The following FAAH variants were observed in gnomAD, a reference collection of about 807,000 sequenced individuals.
FAAH encodes the protein fatty-acid amide hydrolase 1.
Under a neutral mutation model 69.7 loss-of-function variants are expected in FAAH, and 63 were observed. The ratio of observed to expected loss-of-function variants is 0.90; its 90% CI spans 0.74 to 1.12. FAAH has a LOEUF of 1.12. Ranked by LOEUF, FAAH falls within the 50% of genes most tolerant of loss-of-function variation. The pLI, the probability that FAAH is intolerant of heterozygous loss-of-function variation, is 0.00. For missense variants in FAAH, 680 were observed against 755.0 expected (o/e 0.90, Z 1.16); for synonymous variants, 305 against 324.2 (o/e 0.94, Z 0.64).
chr1:46,400,217 G>T (rs528273061), intron 1 of FAAH, among the ~76,000 whole-genome samples: 2 of 152,232 alleles, frequency 1.3e-5, no homozygotes, highest in South Asian at 2.1e-4. Context: ...GTGCCTGGGT[G>T]GGGAGAGGTG....
At chr1:46,409,254 G>A (rs1386852926) in intron 9 of FAAH, 56 bp downstream of exon 9, 1 of 1,392,736 alleles carries the variant, frequency 7.2e-7, no homozygotes. Flanking sequence ...GGCAGACCTG[G>A]GGGAGCAGCA....
chr1:46,398,231 G>A (rs967717447), intron 1 of FAAH, among the ~76,000 whole-genome samples: 7 of 152,128 alleles, frequency 4.6e-5, no homozygotes, highest in African/African-American at 1.4e-4. Flanking sequence ...CACCTCACCC[G>A]GCCAGGACGT....
rs1429100180 is a variant in FAAH at position 46,405,369 on chromosome 1, C to T, written c.445-3C>T. ...CCCTTCTGGTGCCCATCCCTCCTCC[C>T]AGGGCCAGGACTCCACGCTGGGCTT... is the stretch of plus-strand genomic sequence containing the variant. On this transcript the variant is annotated splice_region_variant and splice_polypyrimidine_tract_variant and intron_variant, in intron 3 of 14. Transcript: ENST00000243167. The surrounding 1 kb of genome is among the most constrained non-coding windows in gnomAD (Gnocchi z 4.1). The T allele has an allele frequency of 6.2e-7, 1 of 1,609,934 alleles. No homozygotes were observed. The highest frequency in any genetic ancestry group is 1.7e-5 in the Admixed American group (1 of 60,028).
In FAAH at chr1:46,404,898, G is replaced by C; in HGVS notation, c.310-116G>C. On this transcript the variant is annotated intron_variant, in intron 2 of 14. Coordinates refer to ENST00000243167, the MANE Select transcript of FAAH (RefSeq NM_001441.3). The surrounding 1 kb of genome is among the most constrained non-coding windows in gnomAD (Gnocchi z 4.5). ...CCCCAGGCTCTGGGCCATGTTGCTG[G>C]TTACCCCTCTCCCTGGGTATACTTT... The C allele has an allele frequency of 1.4e-6, 2 of 1,408,692 alleles. No individual in the cohort carries two copies. The highest frequency in any genetic ancestry group is 9.9e-7 in the Non-Finnish European group (1 of 1,014,926). The allele number at this position is 1,408,692 out of a possible 1,614,324, so 87.3% of individuals were successfully genotyped here.
chr1:46,406,835 T>C (rs1664808460), intron 7 of FAAH, among the ~76,000 whole-genome samples: 1 of 151,890 alleles, frequency 6.6e-6, no homozygotes, highest in South Asian at 2.1e-4. Context: ...CTGGATCTCC[T>C]GACCTCGTGA....
chr1:46,402,031 C>G (rs1299676896), intron 1 of FAAH, 60 bp from the exon 2 acceptor site: 2 of 1,411,048 alleles, frequency 1.4e-6, no homozygotes, highest in East Asian at 4.9e-5. Context: ...CCACTGGTGT[C>G]TGCTGCAGGC....
In FAAH at chr1:46,410,845, T is replaced by C. The variant is rs747068825; in HGVS notation, c.1307T>C (p.Met436Thr). 1 of 1,614,148 alleles carries C rather than the reference T, an allele frequency of 6.2e-7. No homozygotes were observed. The highest frequency in any genetic ancestry group is 2.2e-5 in the East Asian group (1 of 44,872). ...AGGCTGTCAGCTTTCCTCAGCAACA[T>C]GAAGTCTCGGTAAGGGTTCTTCTGT... The part of the protein sequence containing the change: ...LPRLSAFLSN[M>T]KSRSAGKLWE... The change falls in exon 11 of 15, where the codon ATG (methionine) becomes ACG (threonine). Residue 436 changes from methionine (M) to threonine (T), a missense_variant. Met to Thr is a moderately conservative substitution (Grantham distance 81). Transcript: ENST00000243167. The surrounding 1 kb of genome is among the most constrained non-coding windows in gnomAD (Gnocchi z 4.9).
chr1:46,405,978 G>C lies in FAAH; in HGVS notation c.786-60G>C. On this transcript the variant is annotated intron_variant, in intron 5 of 14. Coordinates refer to ENST00000243167, the MANE Select transcript of FAAH (RefSeq NM_001441.3). This position sits in a 1 kb window ranked among gnomAD's most constrained non-coding sequence, Gnocchi z 4.1. ...GTGAGTGTTCAGAGCTGCTCTGTGG[G>C]TGTGGGGATGGCGGCGGGTGGCCAT... The C allele has an allele frequency of 6.2e-7, 1 of 1,613,734 alleles. No individual in the cohort carries two copies. The highest frequency in any genetic ancestry group is 1.3e-5 in the African/African-American group (1 of 75,052).
chr1:46,412,944 C>G (rs1486455607), intron 13 of FAAH, 131 bp from the exon 14 acceptor site: 4 of 1,130,300 alleles, frequency 3.5e-6, no homozygotes, highest in Non-Finnish European at 5.2e-6. Flanking sequence ...GTCACTCAGA[C>G]CTCAGTCCTG....
chr1:46,402,157 A>T lies in FAAH; in HGVS notation c.262A>T (p.Ser88Cys). 6.2e-7 allele frequency: 1 copy of T among 1,609,952 alleles called. No homozygotes were observed. The highest frequency in any genetic ancestry group is 8.5e-7 in the Non-Finnish European group (1 of 1,178,134). ...PLPQLVQKLH[S>C]RELAPEAVLF... ...GCCTCAGCTGGTGCAGAAGTTACAC[A>T]GTAGAGAGCTGGCCCCTGAGGCCGT... Residue 88 changes from serine (S) to cysteine (C), a missense_variant, in exon 2 of 15, where the codon AGT (serine) becomes TGT (cysteine). Coordinates refer to ENST00000243167, the MANE Select transcript of FAAH (RefSeq NM_001441.3).
At position 46,410,952 on chromosome 1, in the gene FAAH, C is replaced by G; in HGVS notation, c.1316+98C>G. 6.6e-7 allele frequency: 1 copy of G among 1,503,958 alleles called. No homozygotes were observed. The highest frequency in any genetic ancestry group is 1.1e-5 in the South Asian group (1 of 88,370). The allele number at this position is 1,503,958 out of a possible 1,614,324, so 93.2% of individuals were successfully genotyped here. A position where few individuals can be genotyped will look rare whatever the true frequency, so the allele number is the denominator to read the frequency against. ...ACAGGAAAGGACTTGAGGGAAGTAG[C>G]CTCTGAGGCTGGAAGTGGCCCAGGC... is the stretch of plus-strand genomic sequence containing the variant. On this transcript the variant is annotated intron_variant, in intron 11 of 14. Coordinates refer to ENST00000243167, the MANE Select transcript of FAAH (RefSeq NM_001441.3). The surrounding 1 kb of genome is among the most constrained non-coding windows in gnomAD (Gnocchi z 4.9).
chr1:46,399,766 A>T (rs1442008685), intron 1 of FAAH, among the ~76,000 whole-genome samples: 1 of 152,264 alleles, frequency 6.6e-6, no homozygotes, highest in African/African-American at 2.4e-5. Flanking sequence ...GAAAGGCAAG[A>T]TGCAGTACTG....
In FAAH at chr1:46,408,558, C is replaced by T. The variant is rs1322820096; in HGVS notation, c.1051C>T (p.Gln351Ter). The change falls in exon 8 of 15, where the codon CAG becomes TAG. Residue 351 changes from glutamine (Q) to a stop codon, truncating the protein, a stop_gained. Coordinates refer to ENST00000243167, the MANE Select transcript of FAAH (RefSeq NM_001441.3). LOFTEE classifies it high-confidence loss of function. Reference sequence around the variant, plus strand: ...GAGGCGGGCCGTGCTGGAGACCAAACAGAGCCTTGAGGCTGCGGGGCACAC... The same window carrying T: ...GAGGCGGGCCGTGCTGGAGACCAAATAGAGCCTTGAGGCTGCGGGGCACAC... ...AMRRAVLETK[Q>*]SLEAAGHTLV... is the part of the protein sequence containing the mutation. 1 of 1,614,222 alleles carries T rather than the reference C, an allele frequency of 6.2e-7. No homozygotes were observed. The highest frequency in any genetic ancestry group is 1.7e-5 in the Admixed American group (1 of 60,034).
chr1:46,409,357 T>G (rs892822809), intron 9 of FAAH, 159 bp downstream of exon 9: 22 of 678,390 alleles, frequency 3.2e-5, no homozygotes, highest in Middle Eastern at 7.5e-4. Flanking sequence ...GCTGGGCACA[T>G]TGAGCCTGGA....
chr1:46,398,149 G>T (rs1329867147), intron 1 of FAAH, among the ~76,000 whole-genome samples: 1 of 152,146 alleles, frequency 6.6e-6, no homozygotes, highest in African/African-American at 2.4e-5. Context: ...TGGCCAGGCT[G>T]GTCTTGAACT....
Position 46,411,675 on chromosome 1 carries a change from G to C in FAAH, c.1356+24G>C, listed in dbSNP as rs528980756. 1 of 1,613,662 alleles carries C rather than the reference G, an allele frequency of 6.2e-7. No individual in the cohort carries two copies. Among genetic ancestry groups the C allele is most frequent in the East Asian group, 2.2e-5 (1 of 44,844 alleles). On this transcript the variant is annotated intron_variant, in intron 12 of 14. Coordinates refer to ENST00000243167, the MANE Select transcript of FAAH (RefSeq NM_001441.3). This position sits in a 1 kb window ranked among gnomAD's most constrained non-coding sequence, Gnocchi z 4.8. The stretch of plus-strand genomic sequence containing the variant: ...AGGTGAGGCCAGAGCCTCTGGATTG[G>C]AGCAGGGTGGTGGGGGGAGGGTGGA...
chr1:46,408,308 T>G, intron 7 of FAAH, 151 bp from the exon 8 acceptor site: 1 of 995,524 alleles, frequency 1.0e-6, no homozygotes, highest in Non-Finnish European at 1.6e-6. Flanking sequence ...GTGAAGGTGT[T>G]TTATGAAAGG....
chr1:46,413,142 G>A lies in FAAH; in HGVS notation c.1533G>A (p.Thr511=), dbSNP rs771766120. ...CTGCAGGGGTGGTGCCTGTCACCAC[G>A]GTGACTGCTGAGGACGAGGCCCAGA... is the stretch of plus-strand genomic sequence containing the variant. ...DFPAGVVPVT[T]VTAEDEAQME... The change falls in exon 14 of 15, where the codon ACG becomes ACA. Residue 511 remains threonine (T), a synonymous_variant. Coordinates refer to ENST00000243167, the MANE Select transcript of FAAH (RefSeq NM_001441.3). 26 of 1,614,056 alleles carry A rather than the reference G, an allele frequency of 1.6e-5. No homozygotes were observed. Among genetic ancestry groups the A allele is most frequent in the East Asian group, 8.9e-5 (4 of 44,902 alleles).
chr1:46,408,412 G>T lies in FAAH; in HGVS notation c.952-47G>T, dbSNP rs200783415. 5.3e-5 allele frequency: 86 copies of T among 1,613,760 alleles called. No homozygotes were observed. The African/African-American group carries it at 1.1e-3, about 20-fold the overall frequency. ...TCTGATCTCTAGGGGTCCTGCCTAG[G>T]GTTGTCTTCTCCTGACCTGCCCCTG... On this transcript the variant is annotated intron_variant, in intron 7 of 14. Coordinates refer to ENST00000243167, the MANE Select transcript of FAAH (RefSeq NM_001441.3).
Sources: gnomAD v4.1 joint callset for allele counts (sites outside exome capture counted in the v4.1 genomes callset) on GRCh38, gnomAD v4.1.1 for gene constraint, Gnocchi (gnomAD v3.1) non-coding constraint, MANE v1.5 for transcripts, NCBI Gene and HGNC (gene_info 2026-07-23, HGNC 2026-07-21) for gene names.